POLD3: variants seen among roughly 807,000 people sequenced by gnomAD.
POLD3 encodes the protein DNA polymerase delta 3, accessory subunit, also known as DNA polymerase delta subunit 3.
In POLD3, 19 loss-of-function variants were observed where a neutral mutation model predicts 58.2. The observed-to-expected ratio is 0.33, with a 90% confidence interval of 0.23 to 0.48. The LOEUF (loss-of-function observed/expected upper bound fraction) is 0.48, where lower values mean the gene tolerates loss of function less well. Among genes scored for constraint, POLD3 ranks in the 20% least tolerant of loss-of-function variants. The pLI, the probability that POLD3 is intolerant of heterozygous loss-of-function variation, is 0.99. For missense variants in POLD3, 504 were observed against 545.5 expected, an observed-to-expected ratio of 0.92 and a Z score of 0.76; for synonymous variants, 172 against 193.5, an observed-to-expected ratio of 0.89 and a Z score of 0.92.
chr11:74,604,548 G>C, intron 2 of POLD3, 144 bp from the exon 3 acceptor site: 1 of 567,688 alleles, frequency 1.8e-6, no homozygotes, highest in Non-Finnish European at 3.1e-6. Flanking sequence ...TTTTTCAACT[G>C]TCCATAGGCC....
chr11:74,657,041 C>T (rs1304295943), intron 4 of POLD3, among the ~76,000 whole-genome samples: 1 of 86,910 alleles, frequency 1.2e-5, no homozygotes, highest in Non-Finnish European at 2.5e-5. Flanking sequence ...TAATGACCTT[C>T]CTTGTCTCTT....
chr11:74,597,505 G>C (rs1024106034), intron 2 of POLD3, among the ~76,000 whole-genome samples: 1 of 152,192 alleles, frequency 6.6e-6, no homozygotes, highest in African/African-American at 2.4e-5. Flanking sequence ...CTGTTGCCCA[G>C]ATGGAAATGC....
At chr11:74,614,968 G>T (rs558254187) in intron 5 of POLD3, among the ~76,000 whole-genome samples, 1 of 152,306 alleles carries the variant, frequency 6.6e-6, no homozygotes, top group African/African-American at 2.4e-5. Context: ...CAAAAGATAG[G>T]TGAATCTAGA....
intron 10 of POLD3, among the ~76,000 whole-genome samples, chr11:74,635,477 T>A (rs11236182): frequency 0.42 from 63,381 of 151,956 alleles, 14,292 homozygotes; most frequent in Non-Finnish European, 0.51. Flanking sequence ...AATGCCTGAG[T>A]CCAGGAGTTT....
intron 6 of POLD3, 34 bp from the exon 7 acceptor site, chr11:74,619,983 A>G (rs1387721265): frequency 1.1e-5 from 18 of 1,576,308 alleles, no homozygotes; most frequent in East Asian, 2.2e-5. Flanking sequence ...CCTAAATGCC[A>G]GCAAAAAATC....
chr11:74,668,126 G>A (rs2033295103), intron 4 of POLD3, among the ~76,000 whole-genome samples: 2 of 152,210 alleles, frequency 1.3e-5, no homozygotes, highest in African/African-American at 2.4e-5. Context: ...TCCACAGCTG[G>A]TGGGAATATA....
At chr11:74,655,658 C>CAA (rs11316500) in intron 4 of POLD3, among the ~76,000 whole-genome samples, 31 of 133,464 alleles carry the variant, frequency 2.3e-4, no homozygotes, top group Non-Finnish European at 4.0e-4. Context: ...TATATTTGAC[C>CAA]AAAAAAAAAA....
At chr11:74,663,778 C>A (rs2033233123) in intron 4 of POLD3, among the ~76,000 whole-genome samples, 2 of 152,182 alleles carry the variant, frequency 1.3e-5, no homozygotes, top group East Asian at 3.9e-4. Context: ...AAAATTTAAA[C>A]CTTCTGCTAA....
intron 10 of POLD3, among the ~76,000 whole-genome samples, chr11:74,635,733 C>CAAGTATCT (rs2032729117): frequency 6.6e-6 from 1 of 152,142 alleles, no homozygotes; most frequent in South Asian, 2.1e-4. Flanking sequence ...GCTGACATAG[C>CAAGTATCT]AAGTATCTAC....
intron 2 of POLD3, among the ~76,000 whole-genome samples, chr11:74,601,028 G>GT (rs1358720800): frequency 6.6e-6 from 1 of 152,092 alleles, no homozygotes; most frequent in Non-Finnish European, 1.5e-5. Flanking sequence ...CACAAGAATT[G>GT]TTTTTTAAAA....
Position 74,642,682 on chromosome 11 carries a change from G to A in POLD3, c.*1916G>A. ...TTTTTTTCTTTTTATACAATACCAT[G>A]TTAACCACATGAGTTAAATAAATTT... On this transcript the variant is annotated 3_prime_UTR_variant, in exon 12 of 12. Transcript: ENST00000263681. The A allele has an allele frequency of 2.0e-6, 2 of 978,144 alleles. No homozygotes were observed. Among genetic ancestry groups the A allele is most frequent in the Non-Finnish European group, 2.4e-6 (2 of 823,548 alleles). The allele number at this position is 978,144 out of a possible 1,614,324, so 60.6% of individuals were successfully genotyped here.
At chr11:74,666,959 T>TAAAAAAAAAA (rs34863947) in intron 4 of POLD3, among the ~76,000 whole-genome samples, 1 of 137,372 alleles carries the variant, frequency 7.3e-6, no homozygotes, top group African/African-American at 2.8e-5. Flanking sequence ...TTAAAGTTGC[T>TAAAAAAAAAA]AAAAAAAAAA....
At chr11:74,656,200 A>G (rs2033131475) in intron 4 of POLD3, among the ~76,000 whole-genome samples, 1 of 152,196 alleles carries the variant, frequency 6.6e-6, no homozygotes, top group African/African-American at 2.4e-5. Context: ...CTTCTTTTTT[A>G]ATGTAGGTGC....
downstream of POLD3, among the ~76,000 whole-genome samples, chr11:74,646,165 G>T (rs989583425): frequency 1.3e-5 from 2 of 152,090 alleles, no homozygotes; most frequent in African/African-American, 4.8e-5. Flanking sequence ...TAGAGACGGG[G>T]TTTCACCACG....
chr11:74,595,163 CTCTTTTTTTTTTTTT>C (rs1424075150), intron 2 of POLD3: 2 of 123,016 alleles, frequency 1.6e-5, no homozygotes, highest in South Asian at 2.6e-4. Context: ...CATGGATGAA[CTCTTTTTTTTTTTTT>C]TTTTTTTTTT....
chr11:74,630,379 G>A (rs2032556347), intron 9 of POLD3, among the ~76,000 whole-genome samples: 1 of 152,036 alleles, frequency 6.6e-6, no homozygotes, highest in Non-Finnish European at 1.5e-5. Flanking sequence ...GAAATGAACA[G>A]ACCCAAGAAA....
intron 2 of POLD3, 122 bp downstream of exon 2, chr11:74,594,238 T>C: frequency 1.5e-6 from 1 of 648,136 alleles, no homozygotes; most frequent in South Asian, 1.8e-5. Flanking sequence ...CTGGCAATCA[T>C]TGGTATTTCT....
intron 5 of POLD3, 144 bp from the exon 6 acceptor site, chr11:74,618,393 A>G (rs1000079058): frequency 9.1e-5 from 56 of 618,298 alleles, no homozygotes; most frequent in Non-Finnish European, 1.5e-4. Flanking sequence ...ATTCTAAACA[A>G]TATTAGAGTT....
intron 4 of POLD3, among the ~76,000 whole-genome samples, chr11:74,651,176 C>G (rs2033064644): frequency 6.6e-6 from 1 of 152,178 alleles, no homozygotes; most frequent in East Asian, 1.9e-4. Context: ...CATTCTATCT[C>G]CAGTACCTAG....
Sources: allele counts gnomAD v4.1 joint callset (sites outside exome capture counted in the v4.1 genomes callset), GRCh38; gene constraint gnomAD v4.1.1; transcripts MANE v1.5; gene names NCBI Gene and HGNC (gene_info 2026-07-23, HGNC 2026-07-21).